The following SPECC1L variants were observed in gnomAD, a reference collection of about 807,000 sequenced individuals.
SPECC1L encodes sperm antigen with calponin homology and coiled-coil domains 1 like, also known as cytospin-A.
Under a neutral mutation model 116.8 loss-of-function variants are expected in SPECC1L, and 40 were observed. The observed-to-expected ratio is 0.34, with a 90% confidence interval of 0.27 to 0.45. SPECC1L has a LOEUF of 0.45. Among genes scored for constraint, SPECC1L ranks in the 20% least tolerant of loss-of-function variants. The pLI, the probability that SPECC1L is intolerant of heterozygous loss-of-function variation, is 1.00. For missense variants in SPECC1L, 1,110 were observed against 1,373.6 expected (o/e 0.81, Z 3.03); for synonymous variants, 504 against 500.6 (o/e 1.01, Z -0.09).
intron 2 of SPECC1L, among the ~76,000 whole-genome samples, chr22:24,295,726 A>G (rs1256964697): frequency 6.6e-6 from 1 of 152,108 alleles, no homozygotes; most frequent in Non-Finnish European, 1.5e-5. Flanking sequence ...CCGAGGGTGG[A>G]TCATCTGAGG....
chr22:24,385,220 G>A (rs2042139803), intron 14 of SPECC1L, among the ~76,000 whole-genome samples: 1 of 151,350 alleles, frequency 6.6e-6, no homozygotes, highest in Admixed American at 6.6e-5. Flanking sequence ...TCACATATTA[G>A]CAAAGTAATA....
intron 14 of SPECC1L, among the ~76,000 whole-genome samples, chr22:24,397,766 C>G (rs2042395884): frequency 6.6e-6 from 1 of 151,950 alleles, no homozygotes; most frequent in Non-Finnish European, 1.5e-5. Context: ...TTTAGCAGAC[C>G]TCATTTTTAG....
At chr22:24,327,760 C>T (rs551196838) in intron 6 of SPECC1L, among the ~76,000 whole-genome samples, 16 of 152,278 alleles carry the variant, frequency 1.1e-4, no homozygotes, top group Non-Finnish European at 2.1e-4. Flanking sequence ...CATATTCCAA[C>T]TACTGAGTCT....
intron 14 of SPECC1L, among the ~76,000 whole-genome samples, chr22:24,381,740 C>T (rs975059826): frequency 6.6e-6 from 1 of 151,842 alleles, no homozygotes; most frequent in South Asian, 2.1e-4. Flanking sequence ...AAAAATTAGC[C>T]AGGCGTGGTG....
chr22:24,374,764 T>TA (rs1231376503), intron 14 of SPECC1L, among the ~76,000 whole-genome samples: 7 of 150,048 alleles, frequency 4.7e-5, no homozygotes, highest in Non-Finnish European at 5.9e-5. Flanking sequence ...CCCTAAAACT[T>TA]AAAGTATAAT....
At chr22:24,314,561 T>C (rs1192032742) in intron 4 of SPECC1L, among the ~76,000 whole-genome samples, 1 of 152,240 alleles carries the variant, frequency 6.6e-6, no homozygotes, top group East Asian at 1.9e-4. Flanking sequence ...TTAAATCTTC[T>C]TTTTTAAAAT....
rs976523133 is a variant in SPECC1L, at chr22:24,412,583, G to T, written c.3205-65G>T. ...TCAGATGCATCTGTCCCAGGCAGTT[G>T]TGGAGGCCACGTGACTTTCTCTGTG... On this transcript the variant is annotated intron_variant, in intron 15 of 16. Coordinates refer to ENST00000314328, the MANE Select transcript of SPECC1L (RefSeq NM_015330.6). The T allele has an allele frequency of 6.0e-6, 9 of 1,497,102 alleles. No individual in the cohort carries two copies. The Admixed American group carries it at 1.0e-4, about 17-fold the overall frequency. 92.7% of individuals were successfully genotyped at this position (1,497,102 alleles called of 1,614,324 possible). A position where few individuals can be genotyped will look rare whatever the true frequency, so the allele number is the denominator to read the frequency against.
intron 4 of SPECC1L, 150 bp from the exon 5 acceptor site, chr22:24,321,138 T>C (rs2040713153): frequency 3.5e-6 from 3 of 866,220 alleles, no homozygotes; most frequent in East Asian, 2.4e-5. Flanking sequence ...AATTGAACTT[T>C]AACAGACTCT....
rs1419441122 is a variant in SPECC1L at position 24,287,754 on chromosome 22, C to T, written c.-38+10951C>T. On this transcript the variant is annotated intron_variant, in intron 2 of 16. Coordinates refer to ENST00000314328, the MANE Select transcript of SPECC1L (RefSeq NM_015330.6). ...GGATCTGATATTATAATACCCACTT[C>T]TTATGATGTAAAGGAACTGAATGAG... Among the ~76,000 whole-genome samples the T allele has an allele frequency of 9.2e-5, 14 of 152,280 alleles. No individual in the cohort carries two copies. In the South Asian group the frequency reaches 2.9e-3, roughly 32 times the overall value.
intron 6 of SPECC1L, among the ~76,000 whole-genome samples, chr22:24,325,120 A>G (rs985275736): frequency 6.6e-6 from 1 of 152,216 alleles, no homozygotes; most frequent in Non-Finnish European, 1.5e-5. Context: ...AACATTGTAA[A>G]AATTGAGTTA....
intron 3 of SPECC1L, among the ~76,000 whole-genome samples, chr22:24,310,108 A>G (rs1323973469): frequency 2.0e-5 from 3 of 152,190 alleles, no homozygotes; most frequent in Admixed American, 6.5e-5. Context: ...AGGTGGCAAA[A>G]TATATTCTTT....
chr22:24,334,955 G>C (rs2041022099), intron 9 of SPECC1L, among the ~76,000 whole-genome samples: 1 of 152,124 alleles, frequency 6.6e-6, no homozygotes, highest in South Asian at 2.1e-4. Context: ...TGGACCCTCA[G>C]GTGTCTCCTG....
Position 24,412,698 on chromosome 22 carries a change from A to G in SPECC1L, c.3255A>G (p.Lys1085=), listed in dbSNP as rs202014308. 95 of 1,614,020 alleles carry G rather than the reference A, an allele frequency of 5.9e-5. No homozygotes were observed. Among genetic ancestry groups the G allele is most frequent in the Non-Finnish European group, 7.4e-5 (87 of 1,180,044 alleles). The change falls in exon 16 of 17, where the codon AAA becomes AAG. Residue 1085 remains lysine, a synonymous_variant. Transcript: ENST00000314328. The part of the protein sequence containing the change: ...AFQAAESVGI[K]STLDINEMVR... ...AGGCAGCTGAAAGTGTCGGCATCAA[A>G]TCCACACTGGTGAGCCCTTGTCCCC... is the stretch of plus-strand genomic sequence containing the variant.
At chr22:24,327,410 A>G (rs2040852391) in intron 6 of SPECC1L, among the ~76,000 whole-genome samples, 1 of 152,136 alleles carries the variant, frequency 6.6e-6, no homozygotes, top group African/African-American at 2.4e-5. Context: ...GAGCCATCTA[A>G]GAAAGAAAGA....
chr22:24,276,497 G>A (rs1342526188), intron 1 of SPECC1L, among the ~76,000 whole-genome samples: 1 of 152,234 alleles, frequency 6.6e-6, no homozygotes, highest in Non-Finnish European at 1.5e-5. Context: ...GCTGGACCCA[G>A]TGGTGCGCAC....
Position 24,319,652 on chromosome 22 carries a change from G to A in SPECC1L, c.308-1636G>A, listed in dbSNP as rs534850719. Among the ~76,000 whole-genome samples the A allele has an allele frequency of 1.1e-4, 16 of 152,218 alleles. No individual in the cohort carries two copies. The South Asian group carries it at 3.1e-3, about 30-fold the overall frequency. On this transcript the variant is annotated intron_variant, in intron 4 of 16. Transcript: ENST00000314328. ...ATATGAACATTCCCCAGCAGCTTCC[G>A]TTAACTGTGTGACTGTACTTTTCCT...
In SPECC1L at chr22:24,281,320, A is replaced by G. The variant is rs116062750; in HGVS notation, c.-38+4517A>G. Among the ~76,000 whole-genome samples the G allele has an allele frequency of 2.2e-3, 334 of 152,316 alleles. 1 individual carries two copies. The highest frequency in any genetic ancestry group is 7.2e-3 in the African/African-American group (300 of 41,580). ...GTCCTTTGCATTTCTGTGTTTTAGA[A>G]TCAACTTGTCACATTCTACAAAAAA... On this transcript the variant is annotated intron_variant, in intron 2 of 16. Coordinates refer to ENST00000314328, the MANE Select transcript of SPECC1L (RefSeq NM_015330.6).
chr22:24,392,822 A>G (rs535475927), intron 14 of SPECC1L, among the ~76,000 whole-genome samples: 87 of 152,268 alleles, frequency 5.7e-4, no homozygotes, highest in African/African-American at 1.9e-3. Flanking sequence ...TCTCCGCTCT[A>G]CTCAGCTCAG....
At chr22:24,317,061 G>A (rs1366190736) in intron 4 of SPECC1L, among the ~76,000 whole-genome samples, 1 of 109,786 alleles carries the variant, frequency 9.1e-6, no homozygotes, top group South Asian at 3.0e-4. Context: ...CCCTCCCGGA[G>A]GGGGTGGCTG....
Sources: allele counts gnomAD v4.1 joint callset (sites outside exome capture counted in the v4.1 genomes callset), GRCh38; gene constraint gnomAD v4.1.1; transcripts MANE v1.5; gene names NCBI Gene and HGNC (gene_info 2026-07-23, HGNC 2026-07-21).